Variants in METTL8 observed in about 807,000 individuals in gnomAD.
METTL8 encodes tRNA N(3)-cytidine methyltransferase METTL8, mitochondrial.
A neutral mutation model predicts 48.7 loss-of-function variants in METTL8; 32 were observed. That is an observed-to-expected ratio of 0.66 (90% CI 0.50 to 0.88). The LOEUF (loss-of-function observed/expected upper bound fraction) is 0.88, where lower values mean the gene tolerates loss of function less well. Ranked by LOEUF, METTL8 falls within the 40% of genes least tolerant of loss-of-function variation. The probability of loss-of-function intolerance (pLI) is 0.00; values close to 1 mark genes in which losing one functional copy is unlikely to be tolerated. For synonymous variants in METTL8, 136 were observed against 157.1 expected (o/e 0.87, Z 1.01); for missense variants, 464 against 474.4 (o/e 0.98, Z 0.20).
intron 1 of METTL8, among the ~76,000 whole-genome samples, chr2:171,421,725 T>A (rs1287067356): frequency 6.6e-6 from 1 of 152,148 alleles, no homozygotes; most frequent in Non-Finnish European, 1.5e-5. Flanking sequence ...ATTTGGAGGA[T>A]GTGAAATCTG....
At chr2:171,348,665 T>C (rs772510907) in intron 3 of METTL8, among the ~76,000 whole-genome samples, 5 of 152,084 alleles carry the variant, frequency 3.3e-5, no homozygotes, top group Non-Finnish European at 4.4e-5. Context: ...AAGAAGCACA[T>C]GGAAGCTTCT....
At chr2:171,396,037 C>T (rs949167432) in intron 1 of METTL8, among the ~76,000 whole-genome samples, 10 of 151,962 alleles carry the variant, frequency 6.6e-5, no homozygotes, top group Admixed American at 2.0e-4. Flanking sequence ...TTTGGGAGTC[C>T]GAGGCGGGCA....
At chr2:171,338,041 G>C (rs889604725) in intron 4 of METTL8, among the ~76,000 whole-genome samples, 29 of 151,994 alleles carry the variant, frequency 1.9e-4, no homozygotes, top group African/African-American at 6.8e-4. Context: ...AAAGCAAGTG[G>C]GCAATATGTT....
chr2:171,375,315 T>A, intron 2 of METTL8: 1 of 749,522 alleles, frequency 1.3e-6, no homozygotes, highest in Non-Finnish European at 2.4e-6. Context: ...GTTTATCTTT[T>A]AAAGAAACTG....
intron 3 of METTL8, among the ~76,000 whole-genome samples, chr2:171,340,830 G>T (rs954961872): frequency 1.3e-5 from 2 of 152,074 alleles, no homozygotes; most frequent in African/African-American, 4.8e-5. Context: ...GAATCTGGAG[G>T]CCATCCCGTA....
chr2:171,339,597 T>C (rs1392698574), intron 3 of METTL8, 43 bp from the exon 4 acceptor site: 1 of 1,089,372 alleles, frequency 9.2e-7, no homozygotes, highest in Non-Finnish European at 1.3e-6. Context: ...TACTACGAAT[T>C]ATATTTACTA....
intron 4 of METTL8, among the ~76,000 whole-genome samples, chr2:171,337,958 A>G (rs1359636054): frequency 6.6e-6 from 1 of 152,222 alleles, no homozygotes; most frequent in Non-Finnish European, 1.5e-5. Flanking sequence ...ACATTAAAAT[A>G]ATACTTCAAT....
At chr2:171,388,637 T>A (rs1688299229) in intron 2 of METTL8, among the ~76,000 whole-genome samples, 1 of 152,224 alleles carries the variant, frequency 6.6e-6, no homozygotes, top group Non-Finnish European at 1.5e-5. Flanking sequence ...TACAGGCATA[T>A]CTTGTATAAT....
rs1428626794 is a variant in METTL8, at chr2:171,319,970, T to C, written c.*4202A>G. On this transcript the variant is annotated 3_prime_UTR_variant, in exon 10 of 10. Transcript: ENST00000375258. ...CTCTCAGAAGATGAATTTTTAAATA[T>C]CAAACTCTGCCTAACCAACTGGTCC... 4 of 152,136 alleles carry C rather than the reference T, an allele frequency of 2.6e-5. No homozygotes were observed. The highest frequency in any genetic ancestry group is 4.8e-5 in the African/African-American group (2 of 41,428). 9.4% of individuals were successfully genotyped at this position (152,136 alleles called of 1,614,324 possible). A position where few individuals can be genotyped will look rare whatever the true frequency, so the allele number is the denominator to read the frequency against.
intron 2 of METTL8, chr2:171,374,866 G>A (rs1297857983): frequency 2.6e-6 from 2 of 767,368 alleles, no homozygotes; most frequent in Non-Finnish European, 4.5e-6. Flanking sequence ...TTTTTTTTAA[G>A]TACAATTTCC....
In METTL8 at chr2:171,426,782, C is replaced by G. The variant is rs542506465; in HGVS notation, c.-13+7101G>C. On this transcript the variant is annotated intron_variant, in intron 1 of 9. Coordinates refer to ENST00000375258, the MANE Select transcript of METTL8 (RefSeq NM_001321154.2). ...AATAAATTTCTAAAAGTGACTTGCA[C>G]CTGGACTACTACAATCACCTGCTAA... Among the ~76,000 whole-genome samples the G allele has an allele frequency of 9.2e-5, 14 of 152,300 alleles. No individual in the cohort carries two copies. The South Asian group carries it at 2.3e-3, about 25-fold the overall frequency.
chr2:171,395,194 A>G (rs529878539), intron 1 of METTL8, among the ~76,000 whole-genome samples: 2 of 152,364 alleles, frequency 1.3e-5, no homozygotes, highest in South Asian at 2.1e-4. Flanking sequence ...TAATTGCACA[A>G]CAAAACTGTG....
chr2:171,343,085 T>C (rs1686936353), intron 3 of METTL8, among the ~76,000 whole-genome samples: 1 of 152,116 alleles, frequency 6.6e-6, no homozygotes, highest in Non-Finnish European at 1.5e-5. Context: ...CCCAACAACA[T>C]GGGAATGAGC....
chr2:171,316,677 T>TA lies in METTL8; in HGVS notation c.*7494dup, dbSNP rs908878480. Reference sequence around the variant, plus strand: ...CTTTCATTTGGATTAAAAAGAAACTTAAAAAATATCTTGTAGAAAGTCAAA... The same window carrying TA: ...CTTTCATTTGGATTAAAAAGAAACTTAAAAAAATATCTTGTAGAAAGTCAAA... On this transcript the variant is annotated 3_prime_UTR_variant, in exon 10 of 10. Transcript: ENST00000375258. Among the ~76,000 whole-genome samples, 2 of 152,146 alleles carry TA rather than the reference T, an allele frequency of 1.3e-5. No individual in the cohort carries two copies. Among genetic ancestry groups the TA allele is most frequent in the African/African-American group, 4.8e-5 (2 of 41,430 alleles).
intron 2 of METTL8, among the ~76,000 whole-genome samples, chr2:171,362,351 T>C (rs368706600): frequency 2.0e-5 from 3 of 152,030 alleles, no homozygotes; most frequent in East Asian, 3.9e-4. Context: ...GGAGTAGAAG[T>C]GTAAGAGTCA....
At chr2:171,335,734 T>C (rs956902577) in intron 5 of METTL8, among the ~76,000 whole-genome samples, 2 of 152,090 alleles carry the variant, frequency 1.3e-5, no homozygotes, top group African/African-American at 4.8e-5. Context: ...CCCAGATGCT[T>C]TTACATTTTA....
chr2:171,324,054 A>T lies in METTL8; in HGVS notation c.*118T>A, dbSNP rs1235286362. ...CACAAAGGAGCTCACCTATGACAAA[A>T]CGGCAGGAAATACAAATTCTCTTCT... is the stretch of plus-strand genomic sequence containing the variant. On this transcript the variant is annotated 3_prime_UTR_variant, in exon 10 of 10. Transcript: ENST00000375258. 2.4e-6 allele frequency: 2 copies of T among 843,460 alleles called. No individual in the cohort carries two copies. Among genetic ancestry groups the T allele is most frequent in the Non-Finnish European group, 3.6e-6 (2 of 558,538 alleles). 52.2% of individuals were successfully genotyped at this position (843,460 alleles called of 1,614,324 possible).
chr2:171,326,400 A>G, intron 7 of METTL8: 1 of 395,230 alleles, frequency 2.5e-6, no homozygotes, highest in Non-Finnish European at 4.4e-6. Flanking sequence ...GTAACTTCAC[A>G]GAGCTTGACG....
At chr2:171,380,244 T>C (rs1249654588) in intron 2 of METTL8, among the ~76,000 whole-genome samples, 1 of 152,218 alleles carries the variant, frequency 6.6e-6, no homozygotes. Flanking sequence ...TGATGGAACA[T>C]ATCTCAAAAT....
Sources: allele counts gnomAD v4.1 joint callset (sites outside exome capture counted in the v4.1 genomes callset), GRCh38; gene constraint gnomAD v4.1.1; transcripts MANE v1.5; gene names NCBI Gene and HGNC (gene_info 2026-07-23, HGNC 2026-07-21).